The following RANBP17 variants were observed in gnomAD, a reference collection of about 807,000 sequenced individuals.
RANBP17 encodes RAN binding protein 17, also known as ran-binding protein 17.
In RANBP17, 158 loss-of-function variants were observed where a neutral mutation model predicts 141.2. The ratio of observed to expected loss-of-function variants is 1.12; its 90% CI spans 0.98 to 1.28. RANBP17 has a LOEUF of 1.28. RANBP17 is among the 50% of genes most tolerant of loss of function. The probability of loss-of-function intolerance (pLI) is 0.00; values close to 1 mark genes in which losing one functional copy is unlikely to be tolerated. For synonymous variants in RANBP17, 430 were observed against 450.0 expected (o/e 0.96, Z 0.56); for missense variants, 1,438 against 1,290.7 (o/e 1.11, Z -1.75).
rs537326655 is a variant in RANBP17 at position 171,051,752 on chromosome 5, A to G, written c.1710+83375A>G. 2.6e-5 allele frequency among the ~76,000 whole-genome samples: 4 copies of G among 152,274 alleles called. No individual in the cohort carries two copies. In the South Asian group the frequency reaches 8.3e-4, roughly 32 times the overall value. On this transcript the variant is annotated intron_variant, in intron 14 of 27. Transcript: ENST00000523189. ...ATATTTTCATTTCTCTTGGGTATAT[A>G]CATAAAAGTAGAGTTGCTAAATCAT...
intron 22 of RANBP17, among the ~76,000 whole-genome samples, chr5:171,231,233 G>GCCAC (rs747302095): frequency 4.0e-5 from 6 of 151,376 alleles, no homozygotes; most frequent in Admixed American, 6.6e-5. Context: ...ACAGGCTTGA[G>GCCAC]CCACCACGCC....
In RANBP17 at chr5:171,110,968, G is replaced by C. The variant is rs997392110; in HGVS notation, c.1711-59162G>C. On this transcript the variant is annotated intron_variant, in intron 14 of 27. Transcript: ENST00000523189. The stretch of plus-strand genomic sequence containing the variant: ...GCTGGTGCACTGCACCCACTAACTC[G>C]TCATCTAGCATTAGGTATATCTCCC... Among the ~76,000 whole-genome samples, 4 of 151,024 alleles carry C rather than the reference G, an allele frequency of 2.6e-5. No homozygotes were observed. The East Asian group carries it at 7.8e-4, about 29-fold the overall frequency.
chr5:171,149,093 A>G (rs973085528), intron 14 of RANBP17, among the ~76,000 whole-genome samples: 1 of 152,210 alleles, frequency 6.6e-6, no homozygotes, highest in African/African-American at 2.4e-5. Context: ...CAAGCTATCT[A>G]ACTTTACCTA....
chr5:171,133,868 G>A (rs537278492), intron 14 of RANBP17, among the ~76,000 whole-genome samples: 1 of 152,248 alleles, frequency 6.6e-6, no homozygotes, highest in Non-Finnish European at 1.5e-5. Context: ...TGCATCAGGA[G>A]CTGCTTTTAC....
chr5:171,189,507 G>A (rs1414166945), intron 18 of RANBP17, among the ~76,000 whole-genome samples: 1 of 152,192 alleles, frequency 6.6e-6, no homozygotes, highest in Non-Finnish European at 1.5e-5. Flanking sequence ...GTAAATGCTT[G>A]TTGAATGAAT....
intron 23 of RANBP17, among the ~76,000 whole-genome samples, chr5:171,241,603 A>G (rs1328238424): frequency 1.3e-5 from 2 of 152,214 alleles, no homozygotes; most frequent in Non-Finnish European, 2.9e-5. Context: ...GAATGGAATG[A>G]TCATTGAAGG....
chr5:170,895,009 G>A (rs1280178817), intron 4 of RANBP17, among the ~76,000 whole-genome samples: 5 of 152,118 alleles, frequency 3.3e-5, no homozygotes, highest in Non-Finnish European at 5.9e-5. Context: ...CAATCAGCTG[G>A]TTCTAGCAAT....
chr5:171,150,433 A>G (rs1758391554), intron 14 of RANBP17, among the ~76,000 whole-genome samples: 1 of 152,052 alleles, frequency 6.6e-6, no homozygotes, highest in East Asian at 1.9e-4. Context: ...TCATTAAAAA[A>G]AGAAAGAAAA....
intron 24 of RANBP17, among the ~76,000 whole-genome samples, chr5:171,255,118 A>G (rs1181444798): frequency 6.6e-6 from 1 of 152,178 alleles, no homozygotes; most frequent in Non-Finnish European, 1.5e-5. Context: ...TACCCTGGCT[A>G]GAGATGTTTT....
intron 14 of RANBP17, among the ~76,000 whole-genome samples, chr5:171,005,200 A>G (rs967123001): frequency 1.4e-4 from 22 of 152,286 alleles, no homozygotes; most frequent in African/African-American, 4.3e-4. Flanking sequence ...TGCCATCCCC[A>G]TGAAGCTGCC....
intron 14 of RANBP17, among the ~76,000 whole-genome samples, chr5:171,070,517 A>C (rs1019449419): frequency 6.6e-6 from 1 of 152,116 alleles, no homozygotes; most frequent in African/African-American, 2.4e-5. Context: ...TGTGTTTGCT[A>C]TGCCCTGTCC....
intron 14 of RANBP17, among the ~76,000 whole-genome samples, chr5:171,026,979 G>A (rs1049311197): frequency 6.6e-6 from 1 of 152,050 alleles, no homozygotes; most frequent in African/African-American, 2.4e-5. Context: ...CTCATAGGAG[G>A]ACGGACCTTA....
intron 14 of RANBP17, among the ~76,000 whole-genome samples, chr5:171,092,591 C>T (rs1225737454): frequency 6.6e-6 from 1 of 152,196 alleles, no homozygotes; most frequent in Non-Finnish European, 1.5e-5. Flanking sequence ...AAAATGAGGG[C>T]TGACACTGGA....
intron 22 of RANBP17, 49 bp downstream of exon 22, chr5:171,221,889 T>C (rs778370444): frequency 9.4e-7 from 1 of 1,059,666 alleles, no homozygotes; most frequent in Non-Finnish European, 1.4e-6. Flanking sequence ...TTTATCTCTT[T>C]AGAGGAAAGA....
At chr5:171,190,070 A>G (rs1478825546) in intron 18 of RANBP17, among the ~76,000 whole-genome samples, 6 of 152,208 alleles carry the variant, frequency 3.9e-5, no homozygotes, top group Non-Finnish European at 7.3e-5. Flanking sequence ...CTTTCTTGCA[A>G]AAGTGTTGGA....
At chr5:171,220,890 A>G (rs914364791) in intron 21 of RANBP17, among the ~76,000 whole-genome samples, 23 of 152,246 alleles carry the variant, frequency 1.5e-4, no homozygotes, top group African/African-American at 5.5e-4. Flanking sequence ...CTTGTATGCC[A>G]GCAATCATGT....
chr5:171,209,620 A>G (rs1561766409), intron 20 of RANBP17, among the ~76,000 whole-genome samples: 1 of 152,202 alleles, frequency 6.6e-6, no homozygotes, highest in Admixed American at 6.5e-5. Context: ...GTGCGTTATA[A>G]CAGAGATGCA....
intron 14 of RANBP17, among the ~76,000 whole-genome samples, chr5:171,059,346 T>C (rs568511842): frequency 7.2e-5 from 11 of 152,330 alleles, no homozygotes; most frequent in Admixed American, 5.2e-4. Flanking sequence ...TTGTTTAAGG[T>C]ATAAGGAAGG....
intron 14 of RANBP17, among the ~76,000 whole-genome samples, chr5:171,092,610 A>G (rs1044186520): frequency 3.3e-5 from 5 of 152,174 alleles, no homozygotes; most frequent in South Asian, 2.1e-4. Flanking sequence ...GATTATTGCT[A>G]AGGTTCTATC....
Sources: gnomAD v4.1 joint callset for allele counts (sites outside exome capture counted in the v4.1 genomes callset) on GRCh38, gnomAD v4.1.1 for gene constraint, MANE v1.5 for transcripts, NCBI Gene and HGNC (gene_info 2026-07-23, HGNC 2026-07-21) for gene names.